PIK3R1: variants seen among roughly 807,000 people sequenced by gnomAD.
PIK3R1 encodes phosphoinositide-3-kinase regulatory subunit 1, also known as phosphatidylinositol 3-kinase regulatory subunit alpha.
In PIK3R1, 29 loss-of-function variants were observed where a neutral mutation model predicts 98.0. The observed-to-expected ratio is 0.30, with a 90% confidence interval of 0.22 to 0.40. PIK3R1 has a LOEUF of 0.40. Ranked by LOEUF, PIK3R1 falls within the 10% of genes least tolerant of loss-of-function variation. The pLI is 1.00. For synonymous variants in PIK3R1, 282 were observed against 311.8 expected, an observed-to-expected ratio of 0.90 and a Z score of 1.01; for missense variants, 596 against 872.7, an observed-to-expected ratio of 0.68 and a Z score of 3.99.
intron 2 of PIK3R1, among the ~76,000 whole-genome samples, chr5:68,270,986 A>G (rs1746333763): frequency 6.6e-6 from 1 of 152,236 alleles, no homozygotes; most frequent in South Asian, 2.1e-4. Flanking sequence ...AGTGCTTTTC[A>G]GATATATTTA....
rs1748123848 is a variant in PIK3R1 at position 68,301,796 on chromosome 5, A to T, written c.*4195A>T. The T allele has an allele frequency of 5.9e-6, 1 of 168,438 alleles. No homozygotes were observed. The highest frequency in any genetic ancestry group is 2.0e-4 in the South Asian group (1 of 4,964). The allele number at this position is 168,438 out of a possible 1,614,324, so 10.4% of individuals were successfully genotyped here. A position where few individuals can be genotyped will look rare whatever the true frequency, so the allele number is the denominator to read the frequency against. ...AATGCATTGTATTAGATCTTCAAAC[A>T]GAATAAAGGTTGTTTTGAAACTGAA... is the stretch of plus-strand genomic sequence containing the variant. On this transcript the variant is annotated 3_prime_UTR_variant, in exon 16 of 16. Transcript: ENST00000521381.
chr5:68,218,089 T>A (rs1028139522), intron 1 of PIK3R1, among the ~76,000 whole-genome samples: 1 of 152,050 alleles, frequency 6.6e-6, no homozygotes, highest in African/African-American at 2.4e-5. Flanking sequence ...TTATTGAATG[T>A]TTTTTCTTTA....
rs549265646 is a variant in PIK3R1 at position 68,252,848 on chromosome 5, T to C, written c.335-20542T>C. Among the ~76,000 whole-genome samples, 8 of 152,342 alleles carry C rather than the reference T, an allele frequency of 5.3e-5. 1 individual carries two copies. In the South Asian group the frequency reaches 1.2e-3, roughly 24 times the overall value. Reference sequence around the variant, plus strand: ...GCAACTTTGCTAAGTAAAACCCCGCTGCCATCCAGTGGCAATTGGCTATAC... The same window carrying C: ...GCAACTTTGCTAAGTAAAACCCCGCCGCCATCCAGTGGCAATTGGCTATAC... On this transcript the variant is annotated intron_variant, in intron 2 of 15. Transcript: ENST00000521381.
chr5:68,280,010 G>A (rs776355997), intron 5 of PIK3R1, among the ~76,000 whole-genome samples: 3 of 152,154 alleles, frequency 2.0e-5, no homozygotes, highest in East Asian at 1.9e-4. Flanking sequence ...TGAAGGACAC[G>A]GTCTTCCAAG....
At chr5:68,258,783 C>A (rs182731139) in intron 2 of PIK3R1, among the ~76,000 whole-genome samples, 1 of 152,256 alleles carries the variant, frequency 6.6e-6, no homozygotes, top group African/African-American at 2.4e-5. Flanking sequence ...TGACTCCACA[C>A]CCTGCATTGT....
intron 2 of PIK3R1, among the ~76,000 whole-genome samples, chr5:68,248,233 C>T (rs1254198574): frequency 1.3e-5 from 2 of 152,116 alleles, no homozygotes; most frequent in African/African-American, 2.4e-5. Flanking sequence ...CCATCTGCCT[C>T]GGCCTCCGAG....
At chr5:68,270,873 C>T (rs1309474506) in intron 2 of PIK3R1, among the ~76,000 whole-genome samples, 1 of 152,096 alleles carries the variant, frequency 6.6e-6, no homozygotes, top group Non-Finnish European at 1.5e-5. Context: ...TATAATTTAT[C>T]AGAGGAAATG....
chr5:68,292,899 T>C (rs1014396573), intron 8 of PIK3R1: 6 of 677,568 alleles, frequency 8.9e-6, no homozygotes, highest in African/African-American at 7.2e-5. Context: ...TTAAACAAAT[T>C]ATTAGCTCTT....
At chr5:68,288,600 G>T in intron 7 of PIK3R1, 1 of 1,548,934 alleles carries the variant, frequency 6.5e-7, no homozygotes, top group Non-Finnish European at 8.7e-7. Flanking sequence ...CACTCTCGGC[G>T]CCGGACACGA....
At chr5:68,291,045 T>C in intron 7 of PIK3R1, 1 of 426,992 alleles carries the variant, frequency 2.3e-6, no homozygotes, top group Non-Finnish European at 4.1e-6. Flanking sequence ...ATGCTTATTC[T>C]TACTTGAATG....
chr5:68,270,536 A>G (rs1427895953), intron 2 of PIK3R1, among the ~76,000 whole-genome samples: 1 of 152,130 alleles, frequency 6.6e-6, no homozygotes, highest in Non-Finnish European at 1.5e-5. Flanking sequence ...GTTTTTTTTA[A>G]TTAAAAAAAT....
At chr5:68,240,251 G>A (rs1018352514) in intron 2 of PIK3R1, among the ~76,000 whole-genome samples, 2 of 152,282 alleles carry the variant, frequency 1.3e-5, no homozygotes, top group South Asian at 2.1e-4. Context: ...TGAGTGTACT[G>A]TTCTACTAAA....
At chr5:68,279,762 T>C (rs537142035) in intron 5 of PIK3R1, 29 bp downstream of exon 5, 9 of 1,609,826 alleles carry the variant, frequency 5.6e-6, no homozygotes, top group Admixed American at 3.3e-5. Flanking sequence ...GGGAACCTCA[T>C]TGAACATACA....
intron 2 of PIK3R1, among the ~76,000 whole-genome samples, chr5:68,237,077 G>C (rs1341798946): frequency 1.3e-5 from 2 of 152,150 alleles, no homozygotes; most frequent in African/African-American, 4.8e-5. Context: ...TGAGTTTCAA[G>C]TTTTCTTATT....
chr5:68,273,709 CTT>C lies in PIK3R1; in HGVS notation c.427+228_428-228del. On this transcript the variant is annotated intron_variant, in intron 3 of 15. Transcript: ENST00000521381. ...GTTTCCATATGGAAACTATTAAATTCTTCATAATTTAATAAATATGATTAACT... is the reference window on the plus strand; with the variant it reads ...GTTTCCATATGGAAACTATTAAATTCCATAATTTAATAAATATGATTAACT... 4 of 590,934 alleles carry C rather than the reference CTT, an allele frequency of 6.8e-6. No individual in the cohort carries two copies. In the South Asian group the frequency reaches 8.8e-5, roughly 13 times the overall value. 36.6% of individuals were successfully genotyped at this position (590,934 alleles called of 1,614,324 possible).
intron 1 of PIK3R1, among the ~76,000 whole-genome samples, chr5:68,225,982 G>C (rs1270959005): frequency 6.6e-6 from 1 of 152,096 alleles, no homozygotes; most frequent in Non-Finnish European, 1.5e-5. Flanking sequence ...GCAGTGTTTA[G>C]TTTCTGCCTC....
At chr5:68,223,258 A>G (rs1392566394) in intron 1 of PIK3R1, among the ~76,000 whole-genome samples, 2 of 152,102 alleles carry the variant, frequency 1.3e-5, no homozygotes, top group Admixed American at 1.3e-4. Flanking sequence ...GTCAGGAGAA[A>G]GTGTACAATG....
At chr5:68,262,764 T>G (rs1171093514) in intron 2 of PIK3R1, among the ~76,000 whole-genome samples, 1 of 138,754 alleles carries the variant, frequency 7.2e-6, no homozygotes, top group Non-Finnish European at 1.6e-5. Context: ...TGTATACATA[T>G]ATACATGTAG....
intron 4 of PIK3R1, among the ~76,000 whole-genome samples, chr5:68,275,700 TATAA>T (rs1167338833): frequency 6.6e-6 from 1 of 151,990 alleles, no homozygotes; most frequent in Non-Finnish European, 1.5e-5. Context: ...CCCCAAAAAA[TATAA>T]ATAAATAAAT....
Sources: allele counts gnomAD v4.1 joint callset (sites outside exome capture counted in the v4.1 genomes callset), GRCh38; gene constraint gnomAD v4.1.1; transcripts MANE v1.5; gene names NCBI Gene and HGNC (gene_info 2026-07-23, HGNC 2026-07-21).